CPAMD8: variants seen among roughly 807,000 people sequenced by gnomAD.
The protein encoded by CPAMD8 is C3 and PZP like alpha-2-macroglobulin domain containing 8.
CPAMD8 carries 146 observed loss-of-function variants against 224.7 expected under a neutral mutation model. That is an observed-to-expected ratio of 0.65 (90% CI 0.57 to 0.75). CPAMD8 has a LOEUF of 0.75. CPAMD8 is among the 30% of genes least tolerant of loss of function. CPAMD8 has a pLI of 0.00. For synonymous variants in CPAMD8, 966 were observed against 1,044.6 expected, an observed-to-expected ratio of 0.92 and a Z score of 1.45; for missense variants, 2,301 against 2,537.5, an observed-to-expected ratio of 0.91 and a Z score of 2.00.
chr19:16,928,265 T>C (rs776647529), intron 24 of CPAMD8, 31 bp from the exon 25 acceptor site: 1 of 1,589,742 alleles, frequency 6.3e-7, no homozygotes, highest in African/African-American at 1.3e-5. Context: ...TGCTGGACGC[T>C]GGCAGGAAGC....
chr19:17,026,711 C>G lies in CPAMD8; in HGVS notation c.-69G>C, dbSNP rs576043929. On this transcript the variant is annotated 5_prime_UTR_variant, in exon 1 of 42. Transcript: ENST00000443236. ...CCAGGGCTGGGCCAGGGCCAGGGTCCGAGCGCGGCCGTCCTCGCGCCGCCG... is the reference window on the plus strand; with the variant it reads ...CCAGGGCTGGGCCAGGGCCAGGGTCGGAGCGCGGCCGTCCTCGCGCCGCCG... 89 of 1,233,824 alleles carry G rather than the reference C, an allele frequency of 7.2e-5. No homozygotes were observed. Among genetic ancestry groups the G allele is most frequent in the Non-Finnish European group, 8.3e-5 (82 of 989,180 alleles). The allele number at this position is 1,233,824 out of a possible 1,614,324, so 76.4% of individuals were successfully genotyped here.
chr19:16,923,416 G>A (rs537146146), intron 26 of CPAMD8, among the ~76,000 whole-genome samples: 3 of 152,296 alleles, frequency 2.0e-5, no homozygotes, highest in East Asian at 1.9e-4. Context: ...AAAGAAGGAC[G>A]AATCTGAGGG....
rs543863959 is a variant in CPAMD8, at chr19:16,894,109, A to G, written c.5427-770T>C. 6.0e-5 allele frequency: 12 copies of G among 199,228 alleles called. No individual in the cohort carries two copies. In the East Asian group the frequency reaches 1.4e-3, roughly 23 times the overall value. The allele number at this position is 199,228 out of a possible 1,614,324, so 12.3% of individuals were successfully genotyped here. On this transcript the variant is annotated intron_variant, in intron 41 of 41. Coordinates refer to ENST00000443236, the MANE Select transcript of CPAMD8 (RefSeq NM_015692.5). ...TGGGAGCTGCCGTGGCCCCAGGAAA[A>G]TGATGCCCAGCTCCAAGGCTGGGGG...
At chr19:17,004,462 C>T (rs1350738509) in intron 7 of CPAMD8, 76 bp from the exon 8 acceptor site, 4 of 923,290 alleles carry the variant, frequency 4.3e-6, no homozygotes, top group Non-Finnish European at 7.0e-6. Flanking sequence ...GGAGCCAGGA[C>T]CCTGCTCCTT....
In CPAMD8 at chr19:16,938,430, CG is replaced by C; in HGVS notation, c.2809del (p.Arg937GlyfsTer61). The C allele has an allele frequency of 6.3e-7, 1 of 1,577,044 alleles. No individual in the cohort carries two copies. Among genetic ancestry groups the C allele is most frequent in the Non-Finnish European group, 8.6e-7 (1 of 1,163,190 alleles). ...GAAGAATGCGCTGTAGGTGTACGCC[CG>C]GGGGACTCCTTCCGCCTGAAACAAA... ...SVMVEAEGVPRAYTYSAFFCP... is the reference protein window; with the variant it reads ...SVMVEAEGVPXAYTYSAFFCP... On this transcript the variant is annotated frameshift_variant, in exon 23 of 42. Transcript: ENST00000443236. LOFTEE classifies it high-confidence loss of function.
chr19:16,943,388 T>C (rs1023246790), intron 22 of CPAMD8, among the ~76,000 whole-genome samples: 2 of 151,826 alleles, frequency 1.3e-5, no homozygotes, highest in African/African-American at 2.4e-5. Context: ...CAGTGCTTTA[T>C]TTATTTATTT....
rs80035294 is a variant in CPAMD8 at position 17,022,218 on chromosome 19, C to A, written c.93-37G>T. ...GAGATCCGAGGTGAAGTTCTCACCC[C>A]AGACCCCTGGTCTCGCTGCCACCAC... On this transcript the variant is annotated intron_variant, in intron 1 of 41. Transcript: ENST00000443236. The A allele has an allele frequency of 0.12, 187,248 of 1,593,896 alleles. 12,386 individuals carry two copies. Among genetic ancestry groups the A allele is most frequent in the South Asian group, 0.13 (11,052 of 88,202 alleles).
chr19:16,951,331 G>A, intron 20 of CPAMD8, among the ~76,000 whole-genome samples: 1 of 152,036 alleles, frequency 6.6e-6, no homozygotes, highest in East Asian at 1.9e-4. Flanking sequence ...ACAAGCTAAA[G>A]ATGGTTTTCA....
Position 16,991,606 on chromosome 19 carries a change from G to A in CPAMD8, c.1266+1810C>T, listed in dbSNP as rs559035609. Among the ~76,000 whole-genome samples, 8 of 152,244 alleles carry A rather than the reference G, an allele frequency of 5.3e-5. No homozygotes were observed. The South Asian group carries it at 1.7e-3, about 32-fold the overall frequency. Reference sequence around the variant, plus strand: ...ACGGTGGCTCACACCTGTAATCCTGGCACTTTGGGAGGCCGAGGCAGGTGG... The same window carrying A: ...ACGGTGGCTCACACCTGTAATCCTGACACTTTGGGAGGCCGAGGCAGGTGG... On this transcript the variant is annotated intron_variant, in intron 12 of 41. Coordinates refer to ENST00000443236, the MANE Select transcript of CPAMD8 (RefSeq NM_015692.5).
chr19:16,983,465 G>T (rs144617356), intron 13 of CPAMD8, among the ~76,000 whole-genome samples: 4 of 152,048 alleles, frequency 2.6e-5, no homozygotes, highest in Non-Finnish European at 5.9e-5. Flanking sequence ...TTACCCAGTC[G>T]TGGGTATGTC....
At chr19:16,976,948 C>T (rs981181405) in intron 15 of CPAMD8, among the ~76,000 whole-genome samples, 2 of 151,860 alleles carry the variant, frequency 1.3e-5, no homozygotes, top group Admixed American at 6.6e-5. Flanking sequence ...AGGCTGAGGC[C>T]GGAGAATTGC....
intron 12 of CPAMD8, among the ~76,000 whole-genome samples, chr19:16,992,604 A>C (rs2055993676): frequency 6.6e-6 from 1 of 151,968 alleles, no homozygotes; most frequent in Admixed American, 6.6e-5. Context: ...GGCACCTGCC[A>C]CAACACCTGG....
At chr19:17,022,580 C>T (rs1156246161) in intron 1 of CPAMD8, among the ~76,000 whole-genome samples, 1 of 151,790 alleles carries the variant, frequency 6.6e-6, no homozygotes, top group East Asian at 1.9e-4. Flanking sequence ...CTCACTACAA[C>T]CTCCACCTCC....
intron 29 of CPAMD8, 73 bp downstream of exon 29, chr19:16,914,351 A>G (rs965984449): frequency 4.6e-5 from 58 of 1,271,290 alleles, no homozygotes; most frequent in Non-Finnish European, 4.6e-6. Context: ...CACCCCTGGC[A>G]TAAAGGAGGG....
chr19:16,945,570 G>A lies in CPAMD8; in HGVS notation c.2772C>T (p.Val924=). ...DRRVPIGVDH[V]RRSVMVEAEG... is the part of the protein sequence containing the mutation. Reference sequence around the variant, plus strand: ...TTACCTCAACCATCACACTGCGCCTGACGTGATCCACCCCGATGGGGACCC... The same window carrying A: ...TTACCTCAACCATCACACTGCGCCTAACGTGATCCACCCCGATGGGGACCC... The change falls in exon 22 of 42, where the codon GTC becomes GTT. Residue 924 remains valine (V), a synonymous_variant. Transcript: ENST00000443236. 2 of 1,614,148 alleles carry A rather than the reference G, an allele frequency of 1.2e-6. No homozygotes were observed. Among genetic ancestry groups the A allele is most frequent in the Admixed American group, 1.7e-5 (1 of 60,030 alleles).
At chr19:16,977,319 G>A (rs1568553191) in intron 15 of CPAMD8, 49 bp downstream of exon 15, 3 of 1,340,280 alleles carry the variant, frequency 2.2e-6, no homozygotes, top group East Asian at 2.3e-5. Flanking sequence ...CCTTGGAGAA[G>A]CCCCGATGGC....
At chr19:17,009,416 G>A in intron 5 of CPAMD8, 96 bp from the exon 6 acceptor site, 1 of 1,601,300 alleles carries the variant, frequency 6.2e-7, no homozygotes. Flanking sequence ...GGGACAGGCA[G>A]TCGCTGTTAT....
intron 39 of CPAMD8, chr19:16,897,423 G>A (rs2052063042): frequency 4.0e-6 from 2 of 501,080 alleles, no homozygotes; most frequent in Non-Finnish European, 7.0e-6. Context: ...CACTGGCTCG[G>A]CCCTGCCCCC....
chr19:17,017,986 T>C (rs971758231), intron 3 of CPAMD8, among the ~76,000 whole-genome samples: 1 of 150,664 alleles, frequency 6.6e-6, no homozygotes, highest in African/African-American at 2.4e-5. Flanking sequence ...TGAGCCAAGA[T>C]TGCATCACTG....
Sources: allele counts gnomAD v4.1 joint callset (sites outside exome capture counted in the v4.1 genomes callset), GRCh38; gene constraint gnomAD v4.1.1; transcripts MANE v1.5; gene names NCBI Gene and HGNC (gene_info 2026-07-23, HGNC 2026-07-21).